Variants in GPHN observed in about 807,000 individuals in gnomAD.
GPHN encodes the protein gephyrin.
In GPHN, 17 loss-of-function variants were observed where a neutral mutation model predicts 95.5. The ratio of observed to expected loss-of-function variants is 0.18; its 90% CI spans 0.12 to 0.27. GPHN has a LOEUF of 0.27. Among genes scored for constraint, GPHN ranks in the 10% least tolerant of loss-of-function variants. GPHN has a pLI of 1.00. For synonymous variants in GPHN, 320 were observed against 322.5 expected (o/e 0.99, Z 0.08); for missense variants, 660 against 978.1 (o/e 0.67, Z 4.34).
the GPHN span, among the ~76,000 whole-genome samples, chr14:67,329,428 G>A: frequency 6.6e-6 from 1 of 152,188 alleles, no homozygotes; most frequent in South Asian, 2.1e-4. Context: ...TGCAAACAGG[G>A]ATAATTCGAC....
chr14:67,565,086 G>A, the GPHN span, among the ~76,000 whole-genome samples: 93 of 152,226 alleles, frequency 6.1e-4, no homozygotes, highest in African/African-American at 2.2e-3. Context: ...ATGGCATGTG[G>A]GTATTAAGGG....
chr14:66,730,164 G>A (rs765109702), intron 2 of GPHN, among the ~76,000 whole-genome samples: 1 of 152,162 alleles, frequency 6.6e-6, no homozygotes, highest in Admixed American at 6.5e-5. Context: ...AGGTATTTTG[G>A]TACAAGAAGT....
At chr14:67,275,544 G>A in the GPHN span, among the ~76,000 whole-genome samples, 22 of 152,246 alleles carry the variant, frequency 1.4e-4, no homozygotes, top group East Asian at 1.2e-3. Flanking sequence ...GAAGATTTTC[G>A]CATCGACATT....
At chr14:66,662,168 T>C (rs1008748966) in intron 1 of GPHN, among the ~76,000 whole-genome samples, 2 of 152,170 alleles carry the variant, frequency 1.3e-5, no homozygotes, top group African/African-American at 2.4e-5. Context: ...AAAGTGTGGC[T>C]AGACTGCTTC....
chr14:66,819,136 A>G (rs2061092645), intron 3 of GPHN, among the ~76,000 whole-genome samples: 1 of 151,988 alleles, frequency 6.6e-6, no homozygotes, highest in Non-Finnish European at 1.5e-5. Flanking sequence ...AATTGCTTTT[A>G]GTTTCTTTGT....
At chr14:66,566,585 C>CT (rs1450131836) in intron 1 of GPHN, among the ~76,000 whole-genome samples, 10 of 152,160 alleles carry the variant, frequency 6.6e-5, no homozygotes, top group Non-Finnish European at 2.9e-5. Flanking sequence ...CCCCACTAGA[C>CT]TTGAGGCTCC....
the GPHN span, among the ~76,000 whole-genome samples, chr14:67,497,197 C>T: frequency 6.6e-6 from 1 of 152,058 alleles, no homozygotes; most frequent in Non-Finnish European, 1.5e-5. Context: ...TGCGGGCACA[C>T]ACGAATGCCC....
rs1017472892 is a variant in GPHN at position 67,171,108 on chromosome 14, G to A, written c.2079+2072G>A. Among the ~76,000 whole-genome samples the A allele has an allele frequency of 7.2e-5, 11 of 152,194 alleles. No homozygotes were observed. The East Asian group carries it at 2.1e-3, about 29-fold the overall frequency. On this transcript the variant is annotated intron_variant, in intron 21 of 22. Coordinates refer to ENST00000478722, the MANE Select transcript of GPHN (RefSeq NM_020806.5). The stretch of plus-strand genomic sequence containing the variant: ...ACTCGCCTGTAATCCCTGCTCCTCA[G>A]GAGGCTCAGGCAGGAGGATTGCATG...
At chr14:67,132,322 C>G (rs2079769089) in intron 17 of GPHN, among the ~76,000 whole-genome samples, 1 of 152,144 alleles carries the variant, frequency 6.6e-6, no homozygotes, top group African/African-American at 2.4e-5. Context: ...TAGGAGTTTT[C>G]TAATCATCAA....
At chr14:67,714,301 A>AT in the GPHN span, among the ~76,000 whole-genome samples, 43 of 150,102 alleles carry the variant, frequency 2.9e-4, no homozygotes, top group Non-Finnish European at 4.6e-4. Context: ...TGGCCAGCTA[A>AT]TTTTTTTTTC....
At chr14:66,617,405 T>C (rs950704031) in intron 1 of GPHN, among the ~76,000 whole-genome samples, 4 of 132,120 alleles carry the variant, frequency 3.0e-5, no homozygotes, top group Non-Finnish European at 5.9e-5. Flanking sequence ...AAACCACGGT[T>C]TCCCCAGCTG....
the GPHN span, chr14:67,205,093 T>A: frequency 6.5e-7 from 1 of 1,545,808 alleles, no homozygotes; most frequent in South Asian, 1.2e-5. Flanking sequence ...GGAGAAGGTA[T>A]GTGTCACTGA....
chr14:67,088,788 A>T (rs1029305851), intron 11 of GPHN, among the ~76,000 whole-genome samples, 195 bp from the exon 12 acceptor site: 2 of 152,164 alleles, frequency 1.3e-5, no homozygotes, highest in African/African-American at 4.8e-5. Context: ...CCATGAATTG[A>T]CTGAGTATAA....
the GPHN span, among the ~76,000 whole-genome samples, chr14:67,418,155 C>T: frequency 1.3e-5 from 2 of 152,306 alleles, no homozygotes; most frequent in African/African-American, 2.4e-5. Flanking sequence ...TTCTCAAAAT[C>T]GCCCTTTGAA....
In GPHN at chr14:66,853,083, GT is replaced by G. The variant is rs2062661094; in HGVS notation, c.295-26853del. ...AGAACCACAGGCACTTGATTTTTTT[GT>G]TTGTTTCTGTTGCATTTGGGGAACA... On this transcript the variant is annotated intron_variant, in intron 4 of 22. Transcript: ENST00000478722. Among the ~76,000 whole-genome samples the G allele has an allele frequency of 3.9e-5, 6 of 152,138 alleles. No individual in the cohort carries two copies. The South Asian group carries it at 1.2e-3, about 32-fold the overall frequency.
the GPHN span, chr14:67,726,855 C>T: frequency 5.1e-6 from 4 of 778,746 alleles, no homozygotes; most frequent in Non-Finnish European, 8.8e-6. Flanking sequence ...ATTAGAGTTA[C>T]TCATGGCATC....
chr14:67,030,352 A>G (rs539861562), intron 10 of GPHN, among the ~76,000 whole-genome samples: 3 of 152,300 alleles, frequency 2.0e-5, no homozygotes, highest in African/African-American at 7.2e-5. Flanking sequence ...AAGCATTTTT[A>G]TCATTCTAAA....
chr14:67,421,265 T>C, the GPHN span, among the ~76,000 whole-genome samples: 7 of 152,112 alleles, frequency 4.6e-5, no homozygotes, highest in South Asian at 8.3e-4. Flanking sequence ...AAGTTAACCA[T>C]GTAAAGCACT....
At chr14:67,179,472 G>A in intron 21 of GPHN, 106 bp from the exon 22 acceptor site, 1 of 729,846 alleles carries the variant, frequency 1.4e-6, no homozygotes, top group Admixed American at 1.9e-5. Context: ...GAATACCAAG[G>A]TTAGTCTCCA....
Sources: allele counts gnomAD v4.1 joint callset (sites outside exome capture counted in the v4.1 genomes callset), GRCh38; gene constraint gnomAD v4.1.1; transcripts MANE v1.5; gene names NCBI Gene and HGNC (gene_info 2026-07-23, HGNC 2026-07-21).